Variants in FIBCD1 observed in about 807,000 individuals in gnomAD.
The protein encoded by FIBCD1 is fibrinogen C domain-containing protein 1.
FIBCD1 carries 47 observed loss-of-function variants against 45.1 expected under a neutral mutation model. The ratio of observed to expected loss-of-function variants is 1.04; its 90% CI spans 0.82 to 1.33. The LOEUF is 1.33. Ranked by LOEUF, FIBCD1 falls within the 40% of genes most tolerant of loss-of-function variation. The pLI is 0.00. For synonymous variants in FIBCD1, 313 were observed against 308.1 expected (o/e 1.02, Z -0.17); for missense variants, 653 against 682.2 (o/e 0.96, Z 0.48).
At chr9:130,936,939 T>A (rs1832528025) in intron 1 of FIBCD1, among the ~76,000 whole-genome samples, 1 of 150,786 alleles carries the variant, frequency 6.6e-6, no homozygotes, top group African/African-American at 2.5e-5. Context: ...TGAGCTTGAT[T>A]TTGAGTATAT....
intron 5 of FIBCD1, among the ~76,000 whole-genome samples, chr9:130,907,438 G>T (rs1014955658): frequency 6.6e-6 from 1 of 152,182 alleles, no homozygotes; most frequent in African/African-American, 2.4e-5. Context: ...GATTCCCTGG[G>T]CCCCTGATCC....
At chr9:130,906,286 T>C (rs1831927579) in intron 5 of FIBCD1, among the ~76,000 whole-genome samples, 1 of 152,168 alleles carries the variant, frequency 6.6e-6, no homozygotes, top group Admixed American at 6.5e-5. Context: ...TTACTCTTGA[T>C]TAAGAGGGCA....
Position 130,905,414 on chromosome 9 carries a change from C to G in FIBCD1, c.947-1G>C, listed in dbSNP as rs772807818. On this transcript the variant is annotated splice_acceptor_variant, in intron 5 of 6. Coordinates refer to ENST00000372338, the MANE Select transcript of FIBCD1 (RefSeq NM_032843.5). LOFTEE classifies it high-confidence loss of function. Reference sequence around the variant, plus strand: ...GTCAGGGCGTGGATCCTCTTGAGCCCTGAAGTTGGGGGGAAAATGGTGGGA... The same window carrying G: ...GTCAGGGCGTGGATCCTCTTGAGCCGTGAAGTTGGGGGGAAAATGGTGGGA... 103 of 1,605,614 alleles carry G rather than the reference C, an allele frequency of 6.4e-5. 3 individuals carry two copies. In the South Asian group the frequency reaches 1.1e-3, roughly 17 times the overall value.
chr9:130,939,468 C>T (rs1266051391), upstream of FIBCD1, among the ~76,000 whole-genome samples: 1 of 152,108 alleles, frequency 6.6e-6, no homozygotes, highest in East Asian at 1.9e-4. Context: ...TGCGCCGGAC[C>T]CCGACGCGTG....
intron 4 of FIBCD1, among the ~76,000 whole-genome samples, chr9:130,914,438 C>G (rs940455439): frequency 2.6e-5 from 4 of 152,244 alleles, no homozygotes; most frequent in African/African-American, 9.6e-5. Flanking sequence ...GGGGAGAGAA[C>G]AGGTCTGCCC....
intron 1 of FIBCD1, chr9:130,930,886 C>T: frequency 2.2e-6 from 1 of 446,530 alleles, no homozygotes; most frequent in Non-Finnish European, 4.6e-6. Flanking sequence ...TATAGATGGT[C>T]TCGTGCTGTC....
chr9:130,909,103 C>T (rs1418768839), intron 5 of FIBCD1, among the ~76,000 whole-genome samples: 1 of 152,136 alleles, frequency 6.6e-6, no homozygotes, highest in Admixed American at 6.5e-5. Context: ...GCCTAAGCCT[C>T]CCTACCAGCT....
chr9:130,925,512 T>C (rs1832343716), intron 2 of FIBCD1, among the ~76,000 whole-genome samples: 1 of 152,126 alleles, frequency 6.6e-6, no homozygotes. Flanking sequence ...TCTCTCCACG[T>C]CTCCATTTCC....
intron 1 of FIBCD1, among the ~76,000 whole-genome samples, chr9:130,937,028 C>T (rs1268438385): frequency 6.6e-6 from 1 of 151,872 alleles, no homozygotes; most frequent in African/African-American, 2.4e-5. Context: ...CAAGATGACA[C>T]AGAAAAGATC....
At chr9:130,924,896 T>C (rs1416200424) in intron 2 of FIBCD1, among the ~76,000 whole-genome samples, 1 of 151,728 alleles carries the variant, frequency 6.6e-6, no homozygotes, top group East Asian at 1.9e-4. Context: ...ACATGGGAGG[T>C]GCCCAGCACA....
At chr9:130,911,203 C>G (rs920259137) in intron 5 of FIBCD1, among the ~76,000 whole-genome samples, 1 of 152,178 alleles carries the variant, frequency 6.6e-6, no homozygotes, top group African/African-American at 2.4e-5. Flanking sequence ...AGCTAGACCA[C>G]GAACCCACCA....
chr9:130,936,682 CG>C (rs1454195517), intron 1 of FIBCD1, among the ~76,000 whole-genome samples: 1 of 152,224 alleles, frequency 6.6e-6, no homozygotes, highest in Non-Finnish European at 1.5e-5. Flanking sequence ...TCTTCCTGGC[CG>C]AAGCGTCATG....
At chr9:130,930,334 G>C (rs777401220) in intron 1 of FIBCD1, among the ~76,000 whole-genome samples, 1 of 151,656 alleles carries the variant, frequency 6.6e-6, no homozygotes, top group East Asian at 1.9e-4. Context: ...ACGGGGAGAC[G>C]CGGGGAGACG....
chr9:130,918,704 C>CA lies in FIBCD1; in HGVS notation c.849+5039_849+5040insT, dbSNP rs998364088. 7.9e-5 allele frequency among the ~76,000 whole-genome samples: 12 copies of CA among 152,316 alleles called. 1 individual carries two copies. Among genetic ancestry groups the CA allele is most frequent in the South Asian group, 2.1e-4 (1 of 4,828 alleles). ...GCGGCATTCCCAGGAGTCTGGCTTT[C>CA]CCTTAACTCCTTTCTGGACACCTCT... On this transcript the variant is annotated intron_variant, in intron 4 of 6. Transcript: ENST00000372338.
At chr9:130,914,709 T>C (rs534398479) in intron 4 of FIBCD1, among the ~76,000 whole-genome samples, 32 of 151,528 alleles carry the variant, frequency 2.1e-4, no homozygotes, top group Admixed American at 7.9e-4. Flanking sequence ...TCCCCCAGGC[T>C]CTGCCTCCAG....
chr9:130,910,748 G>A (rs200454143), intron 5 of FIBCD1, among the ~76,000 whole-genome samples: 2 of 151,552 alleles, frequency 1.3e-5, no homozygotes, highest in Admixed American at 6.6e-5. Flanking sequence ...GTATCTAGCT[G>A]CTCTGGTGGG....
intron 2 of FIBCD1, among the ~76,000 whole-genome samples, chr9:130,924,706 C>T (rs1238117848): frequency 6.6e-5 from 10 of 152,300 alleles, no homozygotes; most frequent in Admixed American, 3.3e-4. Flanking sequence ...GCCATCTCTT[C>T]GGCCCAGGGA....
chr9:130,925,385 G>C (rs1832341780), intron 2 of FIBCD1, among the ~76,000 whole-genome samples: 2 of 152,306 alleles, frequency 1.3e-5, no homozygotes, highest in Admixed American at 1.3e-4. Context: ...TAGGAGACCA[G>C]GGTCAGGGTG....
At chr9:130,914,823 G>C (rs1028851158) in intron 4 of FIBCD1, among the ~76,000 whole-genome samples, 11 of 152,226 alleles carry the variant, frequency 7.2e-5, no homozygotes, top group Admixed American at 7.2e-4. Context: ...AGGAGGGGCT[G>C]TTCCTGCCCC....
Sources: allele counts gnomAD v4.1 joint callset (sites outside exome capture counted in the v4.1 genomes callset), GRCh38; gene constraint gnomAD v4.1.1; transcripts MANE v1.5; gene names NCBI Gene and HGNC (gene_info 2026-07-23, HGNC 2026-07-21).